The following ZCCHC4 variants were observed in gnomAD, a reference collection of about 807,000 sequenced individuals.
The protein encoded by ZCCHC4 is zinc finger CCHC-type containing 4, also known as rRNA N(6)-adenosine-methyltransferase ZCCHC4.
A neutral mutation model predicts 67.7 loss-of-function variants in ZCCHC4; 54 were observed. The ratio of observed to expected loss-of-function variants is 0.80; its 90% CI spans 0.64 to 1.00. The LOEUF (loss-of-function observed/expected upper bound fraction) is 1.00, where lower values mean the gene tolerates loss of function less well. ZCCHC4 is among the 50% of genes least tolerant of loss of function. The pLI is 0.00. For missense variants in ZCCHC4, 609 were observed against 617.0 expected (o/e 0.99, Z 0.14); for synonymous variants, 198 against 213.5 (o/e 0.93, Z 0.63).
At chr4:25,326,625 T>C (rs1284348522) in intron 3 of ZCCHC4, among the ~76,000 whole-genome samples, 1 of 152,240 alleles carries the variant, frequency 6.6e-6, no homozygotes, top group African/African-American at 2.4e-5. Flanking sequence ...AATTGGGTAG[T>C]GTAAGTCTTC....
chr4:25,344,233 C>T (rs973220130), intron 5 of ZCCHC4, among the ~76,000 whole-genome samples: 1 of 151,986 alleles, frequency 6.6e-6, no homozygotes, highest in African/African-American at 2.4e-5. Flanking sequence ...TACTCTCATG[C>T]ACTGCCAATG....
rs1720192768 is a variant in ZCCHC4 at position 25,349,627 on chromosome 4, G to T, written c.895G>T (p.Glu299Ter). 1.4e-5 allele frequency: 23 copies of T among 1,613,882 alleles called. No individual in the cohort carries two copies. Among genetic ancestry groups the T allele is most frequent in the Non-Finnish European group, 1.8e-5 (21 of 1,179,850 alleles). ...TFKKLIAMWK[E>*]GQSQDDSHKE... ...CAAGAAGTTAATTGCTATGTGGAAA[G>T]AAGGTCAAAGCCAAGGTGTATAATT... The change falls in exon 7 of 13, where the codon GAA becomes TAA. Residue 299 changes from glutamate to a stop codon, truncating the protein, a stop_gained. Coordinates refer to ENST00000302874, the MANE Select transcript of ZCCHC4 (RefSeq NM_024936.3). LOFTEE classifies it high-confidence loss of function.
intron 3 of ZCCHC4, among the ~76,000 whole-genome samples, chr4:25,326,201 C>G (rs1055516723): frequency 3.3e-5 from 5 of 152,242 alleles, no homozygotes; most frequent in African/African-American, 1.2e-4. Flanking sequence ...GGACCACCTG[C>G]ATCTTTGGCT....
chr4:25,334,973 G>T (rs145109714), intron 5 of ZCCHC4, among the ~76,000 whole-genome samples: 1 of 152,110 alleles, frequency 6.6e-6, no homozygotes, highest in African/African-American at 2.4e-5. Context: ...TAGTAGCTAG[G>T]ACTACAGGTT....
intron 9 of ZCCHC4, 110 bp downstream of exon 9, chr4:25,362,090 T>C: frequency 6.8e-7 from 1 of 1,465,456 alleles, no homozygotes; most frequent in East Asian, 2.3e-5. Context: ...CTGTTACTTT[T>C]AAATTAGGTC....
At chr4:25,330,822 G>T (rs1363153776) in intron 3 of ZCCHC4, among the ~76,000 whole-genome samples, 2 of 152,166 alleles carry the variant, frequency 1.3e-5, no homozygotes, top group Non-Finnish European at 2.9e-5. Context: ...GTATTTTCCA[G>T]TGATAATTCC....
At chr4:25,355,220 C>T (rs1354807098) in intron 8 of ZCCHC4, among the ~76,000 whole-genome samples, 1 of 152,196 alleles carries the variant, frequency 6.6e-6, no homozygotes. Flanking sequence ...AGTCCTGGCA[C>T]TGCCTTTTAG....
chr4:25,324,678 A>G (rs1254440122), intron 3 of ZCCHC4, among the ~76,000 whole-genome samples: 1 of 152,248 alleles, frequency 6.6e-6, no homozygotes, highest in Non-Finnish European at 1.5e-5. Flanking sequence ...TCAGCAACGT[A>G]CGAGGAATCA....
Position 25,369,048 on chromosome 4 carries a change from C to A in ZCCHC4, c.1426C>A (p.Gln476Lys), listed in dbSNP as rs79643299. ...TTCCAGAGCTGTCAGAAAGCAGAAG[C>A]AAAGAAAAAGTAATAAGATGAAAAT... ...RANKAVRKQK[Q>K]RKSNKMKMET... Residue 476 changes from glutamine (Q) to lysine (K), a missense_variant, in exon 13 of 13, where the codon CAA (glutamine) becomes AAA (lysine). Physicochemically the swap from Gln to Lys is moderately conservative, Grantham distance 53. Transcript: ENST00000302874. 2.5e-3 allele frequency: 3,992 copies of A among 1,610,832 alleles called. 63 individuals are homozygous for A. The African/African-American group carries it at 0.036, about 15-fold the overall frequency.
intron 10 of ZCCHC4, among the ~76,000 whole-genome samples, chr4:25,362,636 G>A (rs577661003): frequency 1.3e-5 from 2 of 152,206 alleles, no homozygotes; most frequent in African/African-American, 4.8e-5. Flanking sequence ...TTGACGTATT[G>A]GGTACCATCA....
intron 10 of ZCCHC4, among the ~76,000 whole-genome samples, chr4:25,363,986 T>G (rs530157151): frequency 5.3e-5 from 8 of 152,352 alleles, no homozygotes; most frequent in Non-Finnish European, 8.8e-5. Context: ...ATTGGATATA[T>G]TTTATGCACT....
At chr4:25,314,463 T>G (rs905745830) in intron 2 of ZCCHC4, among the ~76,000 whole-genome samples, 2 of 152,200 alleles carry the variant, frequency 1.3e-5, no homozygotes, top group African/African-American at 4.8e-5. Flanking sequence ...CCATAGGCTG[T>G]GTGGCTTAAA....
intron 11 of ZCCHC4, 70 bp downstream of exon 11, chr4:25,364,575 T>A (rs1720870677): frequency 7.5e-7 from 1 of 1,326,848 alleles, no homozygotes; most frequent in African/African-American, 1.5e-5. Context: ...CTAAATAGAT[T>A]TTTCATTGGA....
rs550339039 is a variant in ZCCHC4, at chr4:25,359,765, C to T, written c.1012-2094C>T. Among the ~76,000 whole-genome samples the T allele has an allele frequency of 6.6e-5, 10 of 152,316 alleles. No homozygotes were observed. Among genetic ancestry groups the T allele is most frequent in the East Asian group, 1.9e-4 (1 of 5,172 alleles). ...CAAGCAGGAGAAGAATGTTTCTGCG[C>T]GACCTGGTCCCACCCTGGCACTCCA... On this transcript the variant is annotated intron_variant, in intron 8 of 12. Transcript: ENST00000302874. The surrounding 1 kb of genome is among the most constrained non-coding windows in gnomAD (Gnocchi z 4.9).
chr4:25,353,399 A>G (rs897340266), intron 8 of ZCCHC4, among the ~76,000 whole-genome samples: 2 of 152,222 alleles, frequency 1.3e-5, no homozygotes, highest in African/African-American at 4.8e-5. Context: ...AATTTATATC[A>G]TAAGTCTTCT....
At chr4:25,355,621 C>T (rs904741340) in intron 8 of ZCCHC4, among the ~76,000 whole-genome samples, 1 of 152,120 alleles carries the variant, frequency 6.6e-6, no homozygotes, top group Non-Finnish European at 1.5e-5. Context: ...TTTTAAACAT[C>T]AGCCTGTTAG....
At chr4:25,336,265 AC>A (rs1719452795) in intron 5 of ZCCHC4, among the ~76,000 whole-genome samples, 2 of 152,108 alleles carry the variant, frequency 1.3e-5, no homozygotes, top group Admixed American at 6.5e-5. Context: ...GGCTTCTTTC[AC>A]TTAGCATCAT....
chr4:25,337,072 C>T (rs1009722928), intron 5 of ZCCHC4, among the ~76,000 whole-genome samples: 2 of 152,200 alleles, frequency 1.3e-5, no homozygotes, highest in Non-Finnish European at 2.9e-5. Flanking sequence ...TTCTTGTCAT[C>T]CTTCCATCTC....
At chr4:25,358,145 A>G (rs532494954) in intron 8 of ZCCHC4, among the ~76,000 whole-genome samples, 5 of 152,354 alleles carry the variant, frequency 3.3e-5, no homozygotes, top group African/African-American at 1.2e-4. Flanking sequence ...AATCTGCTGA[A>G]ACTAAAAGTT....
Sources: gnomAD v4.1 joint callset for allele counts (sites outside exome capture counted in the v4.1 genomes callset) on GRCh38, gnomAD v4.1.1 for gene constraint, Gnocchi (gnomAD v3.1) non-coding constraint, MANE v1.5 for transcripts, NCBI Gene and HGNC (gene_info 2026-07-23, HGNC 2026-07-21) for gene names.